The following MYH6 variants were observed in gnomAD, a reference collection of about 807,000 sequenced individuals.
MYH6 encodes myosin heavy chain 6, also known as myosin-6.
A neutral mutation model predicts 223.2 loss-of-function variants in MYH6; 126 were observed. The ratio of observed to expected loss-of-function variants is 0.56; its 90% CI spans 0.49 to 0.65. The LOEUF (loss-of-function observed/expected upper bound fraction) is 0.65. Ranked by LOEUF, MYH6 falls within the 30% of genes least tolerant of loss-of-function variation. The pLI is 0.00. For synonymous variants in MYH6, 978 were observed against 1,010.2 expected (o/e 0.97, Z 0.61); for missense variants, 2,040 against 2,536.4 (o/e 0.80, Z 4.20).
chr14:23,402,330 C>A, intron 12 of MYH6, 134 bp downstream of exon 12: 1 of 1,388,202 alleles, frequency 7.2e-7, no homozygotes, highest in East Asian at 2.3e-5. Context: ...CCACGTCTCC[C>A]ACGTCCCTGT....
At chr14:23,399,981 G>A in intron 14 of MYH6, 1 of 510,560 alleles carries the variant, frequency 2.0e-6, no homozygotes, top group South Asian at 2.1e-5. Context: ...CTTCTCATGG[G>A]CGGTCAGAGG....
intron 34 of MYH6, among the ~76,000 whole-genome samples, chr14:23,385,508 G>A (rs1320511551): frequency 1.3e-5 from 2 of 150,974 alleles, no homozygotes; most frequent in African/African-American, 4.9e-5. Context: ...TGAGCACAAA[G>A]TCTCATTGCA....
chr14:23,382,395 A>G (rs1175874515), intron 38 of MYH6, 33 bp downstream of exon 38: 2 of 1,613,686 alleles, frequency 1.2e-6, no homozygotes, highest in Non-Finnish European at 1.7e-6. Flanking sequence ...GCTAATGTGG[A>G]AGTGACTAGT....
At chr14:23,386,929 A>G (rs1342340464) in intron 32 of MYH6, among the ~76,000 whole-genome samples, 1 of 152,168 alleles carries the variant, frequency 6.6e-6, no homozygotes. Context: ...TTTTATAACC[A>G]CAAATACAAA....
Position 23,404,314 on chromosome 14 carries a change from G to A in MYH6, c.717C>T (p.Asn239=), listed in dbSNP as rs201599891. ...EAFGNAKTVR[N]DNSSRFGKFI... The stretch of plus-strand genomic sequence containing the variant: ...CACTCACAAAGCGGGAGGAGTTGTC[G>A]TTCCGGACAGTCTTGGCATTGCCGA... Residue 239 remains asparagine, a synonymous_variant, in exon 8 of 39, where the codon AAC becomes AAT. Transcript: ENST00000405093. 30 of 1,614,112 alleles carry A rather than the reference G, an allele frequency of 1.9e-5. No homozygotes were observed. The highest frequency in any genetic ancestry group is 6.7e-5 in the Admixed American group (4 of 60,016).
chr14:23,404,410 A>G (rs752217955), intron 7 of MYH6, 22 bp from the exon 8 acceptor site: 7 of 1,612,920 alleles, frequency 4.3e-6, no homozygotes, highest in Non-Finnish European at 5.9e-6. Context: ...GCAGAACTGC[A>G]TGGGTTCATC....
chr14:23,382,318 C>A lies in MYH6; in HGVS notation c.5796+110G>T, dbSNP rs1227286209. 4.7e-6 allele frequency: 7 copies of A among 1,502,728 alleles called. No individual in the cohort carries two copies. In the African/African-American group the frequency reaches 9.6e-5, roughly 21 times the overall value. The allele number at this position is 1,502,728 out of a possible 1,614,324, so 93.1% of individuals were successfully genotyped here. A position where few individuals can be genotyped will look rare whatever the true frequency, so the allele number is the denominator to read the frequency against. Reference sequence around the variant, plus strand: ...TTCTCAGGTTATGTAAGCTATGGGACCCTCAGAACTGCCTACATATAGGGC... The same window carrying A: ...TTCTCAGGTTATGTAAGCTATGGGAACCTCAGAACTGCCTACATATAGGGC... On this transcript the variant is annotated intron_variant, in intron 38 of 38. Transcript: ENST00000405093.
rs527323129 is a variant in MYH6, at chr14:23,389,255, A to G, written c.3978+138T>C. 3.0e-5 allele frequency: 35 copies of G among 1,181,916 alleles called. No homozygotes were observed. In the Middle Eastern group the frequency reaches 1.4e-3, roughly 46 times the overall value. The allele number at this position is 1,181,916 out of a possible 1,614,324, so 73.2% of individuals were successfully genotyped here. A position where few individuals can be genotyped will look rare whatever the true frequency, so the allele number is the denominator to read the frequency against. ...AGAAAAGAGGCATTAAATGACGCTTAGCTGCAGGGCAGAACCTAGACTGGA... is the reference window on the plus strand; with the variant it reads ...AGAAAAGAGGCATTAAATGACGCTTGGCTGCAGGGCAGAACCTAGACTGGA... On this transcript the variant is annotated intron_variant, in intron 28 of 38. Coordinates refer to ENST00000405093, the MANE Select transcript of MYH6 (RefSeq NM_002471.4).
chr14:23,382,948 C>T (rs1245077506), intron 37 of MYH6, among the ~76,000 whole-genome samples: 1 of 152,216 alleles, frequency 6.6e-6, no homozygotes, highest in Non-Finnish European at 1.5e-5. Flanking sequence ...TCCACCGCCA[C>T]CTTCCTGCCT....
chr14:23,385,903 A>G, intron 34 of MYH6, 25 bp downstream of exon 34: 1 of 1,614,076 alleles, frequency 6.2e-7, no homozygotes, highest in South Asian at 1.1e-5. Flanking sequence ...GTAGGTTTCC[A>G]CAAGGTGGCT....
rs1891297346 is a variant in MYH6 at position 23,393,431 on chromosome 14, G to C, written c.3016C>G (p.Gln1006Glu). 6.2e-7 allele frequency: 1 copy of C among 1,614,022 alleles called. No individual in the cohort carries two copies. Among genetic ancestry groups the C allele is most frequent in the Non-Finnish European group, 8.5e-7 (1 of 1,180,042 alleles). Residue 1006 changes from glutamine (Q) to glutamate (E), a missense_variant, in exon 23 of 39, where the codon CAG becomes GAG. Around this residue, in one of 4 missense-constraint regions of MYH6, gnomAD observed 1,203 missense variants for 1,400.2 expected, o/e 0.86. Transcript: ENST00000405093. The part of the protein sequence containing the change: ...KEKKALQEAH[Q>E]QALDDLQVEE... ...ACCTGAAGGTCATCCAGGGCCTGCT[G>C]ATGGGCCTCTTGTAGAGCTTTCTTC...
In MYH6 at chr14:23,383,330, GGAGGGTGGGA is replaced by G; in HGVS notation, c.5566-20_5566-11del. On this transcript the variant is annotated splice_polypyrimidine_tract_variant and intron_variant, in intron 36 of 38. Transcript: ENST00000405093. ...TTTTGTCTTCCTCTGTCTGGGGGTGGGAGGGTGGGAGAAGCTGGTTTGGAGGGGGAGCAAA... is the reference window on the plus strand; with the variant it reads ...TTTTGTCTTCCTCTGTCTGGGGGTGGGAAGCTGGTTTGGAGGGGGAGCAAA... The G allele has an allele frequency of 1.8e-6, 1 of 563,436 alleles. No individual in the cohort carries two copies. The highest frequency in any genetic ancestry group is 3.3e-6 in the Non-Finnish European group (1 of 302,786). 34.9% of individuals were successfully genotyped at this position (563,436 alleles called of 1,614,324 possible).
chr14:23,404,744 G>A lies in MYH6; in HGVS notation c.609C>T (p.Asp203=). ...CATTGGCATTGTCCTTCTTGCCACG[G>A]TCACCTATGGCTGCAATGCTGGCAA... is the stretch of plus-strand genomic sequence containing the variant. ...QYFASIAAIG[D]RGKKDNANAN... is the part of the protein sequence containing the mutation. The change falls in exon 7 of 39, where the codon GAC becomes GAT. Residue 203 remains aspartate, a synonymous_variant. Coordinates refer to ENST00000405093, the MANE Select transcript of MYH6 (RefSeq NM_002471.4). The A allele has an allele frequency of 6.2e-7, 1 of 1,614,114 alleles. No homozygotes were observed. The highest frequency in any genetic ancestry group is 1.3e-5 in the African/African-American group (1 of 75,008).
chr14:23,394,463 G>T, intron 20 of MYH6, 140 bp from the exon 21 acceptor site: 1 of 1,137,694 alleles, frequency 8.8e-7, no homozygotes. Flanking sequence ...TGAACATGGA[G>T]TTGCTTGATA....
At chr14:23,382,956 C>T (rs1194809003) in intron 37 of MYH6, among the ~76,000 whole-genome samples, 1 of 152,204 alleles carries the variant, frequency 6.6e-6, no homozygotes, top group Admixed American at 6.5e-5. Flanking sequence ...CACCTTCCTG[C>T]CTTCAGCTTC....
intron 28 of MYH6, 93 bp downstream of exon 28, chr14:23,389,300 G>T: frequency 7.1e-7 from 1 of 1,417,824 alleles, no homozygotes; most frequent in Non-Finnish European, 9.9e-7. Flanking sequence ...CCTTGCAGAG[G>T]ACTCTTTCCA....
Position 23,390,201 on chromosome 14 carries a change from C to G in MYH6, c.3588G>C (p.Lys1196Asn). The G allele has an allele frequency of 6.2e-7, 1 of 1,604,830 alleles. No homozygotes were observed. The highest frequency in any genetic ancestry group is 8.5e-7 in the Non-Finnish European group (1 of 1,174,502). ...QHEATAAALR[K>N]KHADSVAELG... ...GCTCGGCCACGCTGTCGGCGTGCTT[C>G]TTGCGCAGGGCCGCGGCAGTGGCCT... is the stretch of plus-strand genomic sequence containing the variant. The change falls in exon 26 of 39, where the codon AAG becomes AAC. Residue 1196 changes from lysine to asparagine, a missense_variant. Physicochemically the swap from Lys to Asn is moderately conservative, Grantham distance 94. Transcript: ENST00000405093.
intron 3 of MYH6, among the ~76,000 whole-genome samples, chr14:23,406,216 T>G (rs2138621275): frequency 6.6e-6 from 1 of 152,356 alleles, no homozygotes; most frequent in South Asian, 2.1e-4. Context: ...TTCACCCATC[T>G]ACTCCACACT....
Position 23,390,391 on chromosome 14 carries a change from T to C in MYH6, c.3398A>G (p.Lys1133Arg). The change falls in exon 26 of 39, where the codon AAG becomes AGG. Residue 1133 changes from lysine (K) to arginine (R), a missense_variant. By Grantham distance (26) the Lys-to-Arg change is conservative (BLOSUM62 2). Around this residue, in one of 4 missense-constraint regions of MYH6, gnomAD observed 1,203 missense variants for 1,400.2 expected, o/e 0.86. Transcript: ENST00000405093. ...ELEAERTARA[K>R]VEKLRSDLSR... is the part of the protein sequence containing the mutation. The stretch of plus-strand genomic sequence containing the variant: ...CAGGTCTGAGCGCAGCTTCTCCACC[T>C]TAGCCCTGGCGGTGCGCTCGGCCTC... 8 of 1,609,148 alleles carry C rather than the reference T, an allele frequency of 5.0e-6. No homozygotes were observed. The highest frequency in any genetic ancestry group is 6.8e-6 in the Non-Finnish European group (8 of 1,178,790).
Sources: allele counts gnomAD v4.1 joint callset (sites outside exome capture counted in the v4.1 genomes callset), GRCh38; gene constraint gnomAD v4.1.1; regional missense constraint gnomAD v4.1.1; transcripts MANE v1.5; gene names NCBI Gene and HGNC (gene_info 2026-07-23, HGNC 2026-07-21).